MGAM2: variants seen among roughly 807,000 people sequenced by gnomAD.
MGAM2 encodes probable maltase-glucoamylase 2.
In MGAM2, 98 loss-of-function variants were observed where a neutral mutation model predicts 96.1. The ratio of observed to expected loss-of-function variants is 1.02; its 90% confidence interval spans 0.87 to 1.21. The LOEUF (loss-of-function observed/expected upper bound fraction) is 1.21. Ranked by LOEUF, MGAM2 falls within the 50% of genes most tolerant of loss-of-function variation. The pLI is 0.00. For synonymous variants in MGAM2, 749 were observed against 414.8 expected, an observed-to-expected ratio of 1.81 and a Z score of -9.79; for missense variants, 2,055 against 1,182.4, an observed-to-expected ratio of 1.74 and a Z score of -10.82.
At chr7:142,130,228 T>G (rs1044021737) in intron 3 of MGAM2, among the ~76,000 whole-genome samples, 3 of 152,244 alleles carry the variant, frequency 2.0e-5, no homozygotes, top group Non-Finnish European at 4.4e-5. Context: ...TGTTACCCTC[T>G]GTCCTAGTTT....
At chr7:142,166,289 G>A (rs1563270843) in intron 25 of MGAM2, 36 bp downstream of exon 25, 1 of 667,438 alleles carries the variant, frequency 1.5e-6, no homozygotes, top group Admixed American at 2.2e-5. Flanking sequence ...CATTGATTAG[G>A]AAGTAATTAG....
chr7:142,173,129 T>G, intron 30 of MGAM2, 100 bp from the exon 31 acceptor site: 1 of 651,422 alleles, frequency 1.5e-6, no homozygotes, highest in Middle Eastern at 3.2e-4. Flanking sequence ...AGGCCTCTTA[T>G]ACAGTACTTA....
In MGAM2 at chr7:142,131,574, G is replaced by T. The variant is rs999386342; in HGVS notation, c.367G>T (p.Ala123Ser). Residue 123 changes from alanine (A) to serine (S), a missense_variant, in exon 5 of 48, where the codon GCC (alanine) becomes TCC (serine). Coordinates refer to ENST00000477922, the MANE Select transcript of MGAM2 (RefSeq NM_001293626.2). ...PSPSLFGNDV[A>S]TTLFTAEYQT... The stretch of plus-strand genomic sequence containing the variant: ...ACCATCTCTGTTTGGAAATGATGTC[G>T]CCACCACCCTTTTCACAGCTGAATA... 1 of 702,966 alleles carries T rather than the reference G, an allele frequency of 1.4e-6. No individual in the cohort carries two copies. Among genetic ancestry groups the T allele is most frequent in the Non-Finnish European group, 2.6e-6 (1 of 384,980 alleles). The allele number at this position is 702,966 out of a possible 1,614,324, so 43.5% of individuals were successfully genotyped here. A position where few individuals can be genotyped will look rare whatever the true frequency, so the allele number is the denominator to read the frequency against.
chr7:142,172,923 A>G (rs533918177), intron 30 of MGAM2, among the ~76,000 whole-genome samples, 159 bp downstream of exon 30: 76 of 152,336 alleles, frequency 5.0e-4, no homozygotes, highest in African/African-American at 1.8e-3. Context: ...TTATGGTTCT[A>G]TAAAGCCATA....
intron 43 of MGAM2, 148 bp downstream of exon 43, chr7:142,198,343 A>G (rs1401822014): frequency 3.3e-6 from 2 of 605,680 alleles, no homozygotes; most frequent in Admixed American, 2.9e-5. Context: ...GAAAGCATGT[A>G]TAAGAGCATA....
chr7:142,205,051 G>T (rs929452025), intron 45 of MGAM2, among the ~76,000 whole-genome samples: 1 of 152,006 alleles, frequency 6.6e-6, no homozygotes, highest in South Asian at 2.1e-4. Flanking sequence ...TTTAATCAGG[G>T]GTTTGCTAGG....
At chr7:142,119,917 T>C (rs1794510612) in intron 2 of MGAM2, among the ~76,000 whole-genome samples, 1 of 152,206 alleles carries the variant, frequency 6.6e-6, no homozygotes, top group African/African-American at 2.4e-5. Context: ...GAATAGAAGA[T>C]AGCTGCTAAA....
chr7:142,114,682 T>A (rs189377608), intron 1 of MGAM2, among the ~76,000 whole-genome samples: 5 of 152,228 alleles, frequency 3.3e-5, no homozygotes, highest in Admixed American at 3.3e-4. Context: ...GAGATCTAGA[T>A]AACAGATACA....
chr7:142,164,226 A>T (rs1795966716), intron 23 of MGAM2, among the ~76,000 whole-genome samples: 1 of 152,158 alleles, frequency 6.6e-6, no homozygotes, highest in Non-Finnish European at 1.5e-5. Flanking sequence ...TTTTTTCTTC[A>T]GTCTTAATTT....
rs1415234470 is a variant in MGAM2, at chr7:142,116,947, T to G, written c.74T>G (p.Leu25Arg). The change falls in exon 2 of 48, where the codon CTC becomes CGC. Residue 25 changes from leucine to arginine, a missense_variant. Transcript: ENST00000477922. ...FCLIVVTIDI[L>R]LLLLVLEETS... ...TTAATTGTGGTGACCATAGATATCC[T>G]CTTGCTGCTTCTTGTGTTGGAGGAA... is the stretch of plus-strand genomic sequence containing the variant. 1.4e-6 allele frequency: 1 copy of G among 703,182 alleles called. No homozygotes were observed. Among genetic ancestry groups the G allele is most frequent in the Non-Finnish European group, 2.6e-6 (1 of 385,018 alleles). 43.6% of individuals were successfully genotyped at this position (703,182 alleles called of 1,614,324 possible).
intron 46 of MGAM2, among the ~76,000 whole-genome samples, chr7:142,208,834 T>C (rs1344286784): frequency 6.6e-6 from 1 of 152,178 alleles, no homozygotes; most frequent in African/African-American, 2.4e-5. Flanking sequence ...AAAAGAAACT[T>C]GGAATTCATA....
intron 35 of MGAM2, among the ~76,000 whole-genome samples, 190 bp downstream of exon 35, chr7:142,186,313 T>C (rs920251094): frequency 1.6e-4 from 24 of 152,018 alleles, no homozygotes; most frequent in African/African-American, 5.8e-4. Context: ...CAGGGACATA[T>C]TGTCTGGTGG....
chr7:142,193,116 G>T (rs990855841), intron 37 of MGAM2, among the ~76,000 whole-genome samples: 1 of 151,998 alleles, frequency 6.6e-6, no homozygotes, highest in African/African-American at 2.4e-5. Flanking sequence ...CTGTTTGAAG[G>T]AACTCTTTCC....
At chr7:142,172,944 A>G (rs1290327385) in intron 30 of MGAM2, among the ~76,000 whole-genome samples, 180 bp downstream of exon 30, 1 of 152,168 alleles carries the variant, frequency 6.6e-6, no homozygotes, top group Non-Finnish European at 1.5e-5. Flanking sequence ...TTAATATCCC[A>G]TGTGTCCCTC....
chr7:142,206,208 A>C (rs1797395075), intron 45 of MGAM2, among the ~76,000 whole-genome samples: 1 of 152,188 alleles, frequency 6.6e-6, no homozygotes, highest in South Asian at 2.1e-4. Flanking sequence ...TAAGTTTTAA[A>C]ATCAGGAAGC....
At chr7:142,114,918 A>G (rs1294000563) in intron 1 of MGAM2, among the ~76,000 whole-genome samples, 1 of 152,150 alleles carries the variant, frequency 6.6e-6, no homozygotes, top group Non-Finnish European at 1.5e-5. Context: ...GAAGGATAGA[A>G]GGAACAATTT....
chr7:142,198,018 C>G (rs1220356652), intron 42 of MGAM2, 121 bp from the exon 43 acceptor site: 1 of 599,072 alleles, frequency 1.7e-6, no homozygotes, highest in Non-Finnish European at 3.0e-6. Flanking sequence ...TAAAATCCCT[C>G]AAATTATTGC....
intron 3 of MGAM2, among the ~76,000 whole-genome samples, chr7:142,130,553 C>T (rs976142106): frequency 6.6e-6 from 1 of 152,220 alleles, no homozygotes; most frequent in Non-Finnish European, 1.5e-5. Context: ...CTTTCACTTA[C>T]CTGGAAGCTC....
At chr7:142,208,256 C>T (rs1797469208) in intron 45 of MGAM2, 3 of 505,752 alleles carry the variant, frequency 5.9e-6, no homozygotes, top group Non-Finnish European at 1.2e-5. Context: ...CCTATGACTA[C>T]ATGCTTGCTG....
Sources: gnomAD v4.1 joint callset for allele counts (sites outside exome capture counted in the v4.1 genomes callset) on GRCh38, gnomAD v4.1.1 for gene constraint, MANE v1.5 for transcripts, NCBI Gene and HGNC (gene_info 2026-07-23, HGNC 2026-07-21) for gene names.